Variants in ZNF804B observed in about 807,000 individuals in gnomAD.
ZNF804B encodes zinc finger protein 804B, also known as zinc finger 804B.
ZNF804B carries 80 observed loss-of-function variants against 101.4 expected under a neutral mutation model. The ratio of observed to expected loss-of-function variants is 0.79; its 90% CI spans 0.66 to 0.95. The LOEUF (loss-of-function observed/expected upper bound fraction) is 0.95. Ranked by LOEUF, ZNF804B falls within the 40% of genes least tolerant of loss-of-function variation. The probability of loss-of-function intolerance (pLI) is 0.00; values close to 1 mark genes in which losing one functional copy is unlikely to be tolerated. For synonymous variants in ZNF804B, 622 were observed against 558.8 expected, an observed-to-expected ratio of 1.11 and a Z score of -1.59; for missense variants, 1,673 against 1,561.9, an observed-to-expected ratio of 1.07 and a Z score of -1.20.
chr7:88,886,923 GA>G (rs33941084), intron 1 of ZNF804B, among the ~76,000 whole-genome samples: 66,531 of 148,842 alleles, frequency 0.45, 16,510 homozygotes, highest in African/African-American at 0.67. Flanking sequence ...TATTCAAGGG[GA>G]AAAACATAAA....
In ZNF804B at chr7:89,212,360, C is replaced by T. The variant is rs149617565; in HGVS notation, c.109-5795C>T. 2.6e-5 allele frequency among the ~76,000 whole-genome samples: 4 copies of T among 151,946 alleles called. No individual in the cohort carries two copies. In the East Asian group the frequency reaches 5.8e-4, roughly 22 times the overall value. ...GAAAAATAATTTTCTTCTTCTCAAGCGTTCTGCTGTGACTTCCTGTAACAA... is the reference window on the plus strand; with the variant it reads ...GAAAAATAATTTTCTTCTTCTCAAGTGTTCTGCTGTGACTTCCTGTAACAA... On this transcript the variant is annotated intron_variant, in intron 1 of 3. Coordinates refer to ENST00000333190, the MANE Select transcript of ZNF804B (RefSeq NM_181646.5).
rs982802929 is a variant in ZNF804B at position 89,167,671 on chromosome 7, A to T, written c.109-50484A>T. Among the ~76,000 whole-genome samples the T allele has an allele frequency of 5.3e-5, 8 of 152,252 alleles. No individual in the cohort carries two copies. In the East Asian group the frequency reaches 1.4e-3, roughly 26 times the overall value. On this transcript the variant is annotated intron_variant, in intron 1 of 3. Transcript: ENST00000333190. ...ATTTTTATAAGGAGAATAAAAGAAA[A>T]ATACTGCAGTAAAAATGTCTTAGAG...
At chr7:89,198,231 A>G (rs1788584051) in intron 1 of ZNF804B, among the ~76,000 whole-genome samples, 1 of 151,912 alleles carries the variant, frequency 6.6e-6, no homozygotes, top group Non-Finnish European at 1.5e-5. Context: ...AGTCATATGT[A>G]ATTTTTAAAG....
At chr7:88,953,173 T>C (rs1793250904) in intron 1 of ZNF804B, among the ~76,000 whole-genome samples, 1 of 151,758 alleles carries the variant, frequency 6.6e-6, no homozygotes, top group Admixed American at 6.6e-5. Context: ...TGTGATTCGA[T>C]TCCAGTATTC....
intron 2 of ZNF804B, among the ~76,000 whole-genome samples, chr7:89,267,818 T>C (rs1789824182): frequency 6.6e-6 from 1 of 152,092 alleles, no homozygotes; most frequent in Non-Finnish European, 1.5e-5. Flanking sequence ...GTACCTTGGG[T>C]AGGATAGAAA....
chr7:89,020,335 T>C (rs76967743), intron 1 of ZNF804B, among the ~76,000 whole-genome samples: 199 of 152,254 alleles, frequency 1.3e-3, no homozygotes, highest in African/African-American at 4.6e-3. Context: ...GGGTGTAGTG[T>C]TCTTCACTTT....
At chr7:88,843,528 G>A (rs1248358465) in intron 1 of ZNF804B, among the ~76,000 whole-genome samples, 2 of 152,082 alleles carry the variant, frequency 1.3e-5, no homozygotes, top group Non-Finnish European at 2.9e-5. Context: ...ACAAGGTCAG[G>A]AGATCGAGCC....
chr7:89,266,008 C>A (rs1789788156), intron 2 of ZNF804B, among the ~76,000 whole-genome samples: 1 of 152,174 alleles, frequency 6.6e-6, no homozygotes, highest in African/African-American at 2.4e-5. Flanking sequence ...ACCATGAGTA[C>A]AATTAATGAA....
intron 1 of ZNF804B, among the ~76,000 whole-genome samples, chr7:88,840,635 A>G (rs1791281439): frequency 6.6e-6 from 1 of 152,144 alleles, no homozygotes; most frequent in Non-Finnish European, 1.5e-5. Flanking sequence ...ACCATTTTCT[A>G]TCAGATTAAC....
At chr7:89,147,557 G>C (rs1014695973) in intron 1 of ZNF804B, among the ~76,000 whole-genome samples, 2 of 151,916 alleles carry the variant, frequency 1.3e-5, no homozygotes, top group African/African-American at 4.8e-5. Flanking sequence ...GTAGAGTATA[G>C]AGCAGTGGTC....
chr7:88,800,692 TTGTG>T (rs6150209), intron 1 of ZNF804B, among the ~76,000 whole-genome samples: 28,887 of 146,480 alleles, frequency 0.2, 3,225 homozygotes, highest in Middle Eastern at 0.25. Flanking sequence ...TAGATATGAT[TTGTG>T]TGTGTGTGTG....
At chr7:88,894,419 T>C (rs536569398) in intron 1 of ZNF804B, among the ~76,000 whole-genome samples, 2 of 151,554 alleles carry the variant, frequency 1.3e-5, no homozygotes. Flanking sequence ...ACCATGTTGG[T>C]CAGGCTGGTC....
At chr7:89,297,471 G>A (rs1790401401) in intron 2 of ZNF804B, among the ~76,000 whole-genome samples, 1 of 152,006 alleles carries the variant, frequency 6.6e-6, no homozygotes, top group Non-Finnish European at 1.5e-5. Flanking sequence ...GGAGACAAAT[G>A]TACATAGTCC....
chr7:89,315,224 G>T (rs1790707326), intron 2 of ZNF804B, among the ~76,000 whole-genome samples: 1 of 152,044 alleles, frequency 6.6e-6, no homozygotes, highest in South Asian at 2.1e-4. Context: ...ACTATGATGA[G>T]GACAGCACCA....
At position 89,003,167 on chromosome 7, in the gene ZNF804B, T is replaced by C. The variant is rs183226024; in HGVS notation, c.109-214988T>C. Among the ~76,000 whole-genome samples the C allele has an allele frequency of 3.1e-3, 473 of 152,002 alleles. 8 individuals carry two copies. The highest frequency in any genetic ancestry group is 0.011 in the African/African-American group (452 of 41,534). On this transcript the variant is annotated intron_variant, in intron 1 of 3. Transcript: ENST00000333190. ...TATGTGGGAAGGTTTTCTGAGACTA[T>C]AATAGTACATGCGTGATTTTGTGTG...
chr7:89,153,576 T>C (rs553893485), intron 1 of ZNF804B, among the ~76,000 whole-genome samples: 1 of 152,038 alleles, frequency 6.6e-6, no homozygotes, highest in Non-Finnish European at 1.5e-5. Context: ...ATAAGGTTTT[T>C]CACTACTAGC....
At chr7:88,805,146 T>A (rs777163830) in intron 1 of ZNF804B, among the ~76,000 whole-genome samples, 12 of 152,178 alleles carry the variant, frequency 7.9e-5, no homozygotes, top group Non-Finnish European at 1.8e-4. Context: ...GAGTTACACA[T>A]TTAATGGTGA....
rs1215246589 is a variant in ZNF804B, at chr7:89,171,288, G to GCTGCTTCTTCTTCTT, written c.109-46865_109-46864insGCTTCTTCTTCTTCT. Among the ~76,000 whole-genome samples, 137 of 82,530 alleles carry GCTGCTTCTTCTTCTT rather than the reference G, an allele frequency of 1.7e-3. 1 individual carries two copies. The highest frequency in any genetic ancestry group is 3.4e-3 in the African/African-American group (71 of 20,662). 54.1% of individuals were successfully genotyped at this position (82,530 alleles called of 152,430 possible). On this transcript the variant is annotated intron_variant, in intron 1 of 3. Coordinates refer to ENST00000333190, the MANE Select transcript of ZNF804B (RefSeq NM_181646.5). ...AGTAGGCACAAATAATGCTGCTGCTGCTTCTTCTTCTTCTTCTTCTTCTTC... is the reference window on the plus strand; with the variant it reads ...AGTAGGCACAAATAATGCTGCTGCTGCTGCTTCTTCTTCTTCTTCTTCTTCTTCTTCTTCTTCTTC...
intron 1 of ZNF804B, among the ~76,000 whole-genome samples, chr7:89,141,274 CAG>C (rs1303158430): frequency 6.6e-6 from 1 of 152,014 alleles, no homozygotes; most frequent in Non-Finnish European, 1.5e-5. Context: ...CAAAATGTGA[CAG>C]AGAGAGAAGT....
Sources: gnomAD v4.1 joint callset for allele counts (sites outside exome capture counted in the v4.1 genomes callset) on GRCh38, gnomAD v4.1.1 for gene constraint, MANE v1.5 for transcripts, NCBI Gene and HGNC (gene_info 2026-07-23, HGNC 2026-07-21) for gene names.